Variants in SYTL2 observed in about 807,000 individuals in gnomAD.
The protein encoded by SYTL2 is synaptotagmin like 2.
Under a neutral mutation model 198.7 loss-of-function variants are expected in SYTL2, and 165 were observed. The observed-to-expected ratio is 0.83, with a 90% CI of 0.73 to 0.94. The LOEUF (loss-of-function observed/expected upper bound fraction) is 0.94, where lower values mean the gene tolerates loss of function less well. Ranked by LOEUF, SYTL2 falls within the 40% of genes least tolerant of loss-of-function variation. SYTL2 has a pLI of 0.00. For synonymous variants in SYTL2, 966 were observed against 917.7 expected (o/e 1.05, Z -0.95); for missense variants, 2,835 against 2,582.8 (o/e 1.10, Z -2.12).
At chr11:85,777,533 G>A (rs1359363303) in intron 1 of SYTL2, among the ~76,000 whole-genome samples, 1 of 152,046 alleles carries the variant, frequency 6.6e-6, no homozygotes, top group Non-Finnish European at 1.5e-5. Context: ...GAGGGGAATG[G>A]CTAGAAAAGA....
At chr11:85,832,024 T>C in the SYTL2 span, among the ~76,000 whole-genome samples, 1 of 152,336 alleles carries the variant, frequency 6.6e-6, no homozygotes, top group East Asian at 1.9e-4. Flanking sequence ...ATTATCTTTA[T>C]ATAGTGACTC....
Position 85,734,402 on chromosome 11 carries a change from C to T in SYTL2, c.927G>A (p.Glu309=). The change falls in exon 7 of 20, where the codon GAG becomes GAA. Residue 309 remains glutamate, a synonymous_variant. Coordinates refer to ENST00000359152, the MANE Select transcript of SYTL2 (RefSeq NM_206927.4). ...KIVSPGLTIH[E]RISEKEHSLE... ...AAGAATGCTCCTTCTCAGAAATTCT[C>T]TCATGGATGGTTAGGCCAGGTGACA... 6.2e-7 allele frequency: 1 copy of T among 1,614,184 alleles called. No homozygotes were observed.
At chr11:85,823,207 GT>G in the SYTL2 span, among the ~76,000 whole-genome samples, 2 of 152,218 alleles carry the variant, frequency 1.3e-5, no homozygotes, top group South Asian at 4.1e-4. Flanking sequence ...ATCCAAAGCA[GT>G]TTCTGACACA....
chr11:85,774,840 T>C (rs1419036589), intron 1 of SYTL2, among the ~76,000 whole-genome samples: 4 of 152,144 alleles, frequency 2.6e-5, no homozygotes, highest in Non-Finnish European at 4.4e-5. Context: ...TTAATTAGGG[T>C]CAGCCTGTGC....
At chr11:85,852,856 C>G in the SYTL2 span, 1 of 233,122 alleles carries the variant, frequency 4.3e-6, no homozygotes, top group Non-Finnish European at 8.6e-6. Context: ...TGTGAGGAGC[C>G]CCTCTGCCCG....
Position 85,695,334 on chromosome 11 carries a change from CT to C in SYTL2, c.6580del (p.Ser2194ValfsTer23). ...GLRIGFGTGK[S>X]YGTEVDWMDS... Reference sequence around the variant, plus strand: ...CATCCAGTCCACTTCAGTCCCATAACTTTTACCTGAAAAAAGGAAGCTTTGC... The same window carrying C: ...CATCCAGTCCACTTCAGTCCCATAACTTTACCTGAAAAAAGGAAGCTTTGC... On this transcript the variant is annotated frameshift_variant, in exon 20 of 20. Coordinates refer to ENST00000359152, the MANE Select transcript of SYTL2 (RefSeq NM_206927.4). LOFTEE classifies it high-confidence loss of function. 6.5e-7 allele frequency: 1 copy of C among 1,543,614 alleles called. No homozygotes were observed. Among genetic ancestry groups the C allele is most frequent in the Non-Finnish European group, 8.8e-7 (1 of 1,142,262 alleles).
At chr11:85,797,915 G>A (rs1197000991) in intron 1 of SYTL2, among the ~76,000 whole-genome samples, 1 of 151,960 alleles carries the variant, frequency 6.6e-6, no homozygotes, top group Non-Finnish European at 1.5e-5. Flanking sequence ...GTGCAGTGGT[G>A]CAATGTCGGC....
chr11:85,810,746 GCT>G (rs2093021327), intron 1 of SYTL2, among the ~76,000 whole-genome samples: 1 of 152,234 alleles, frequency 6.6e-6, no homozygotes, highest in Non-Finnish European at 1.5e-5. Context: ...AGCGGAGGTG[GCT>G]CTGGAGTAGG....
chr11:85,753,748 GA>G (rs1446913513), intron 2 of SYTL2, among the ~76,000 whole-genome samples: 3 of 121,090 alleles, frequency 2.5e-5, no homozygotes, highest in South Asian at 2.7e-4. Context: ...CTGGGTCACA[GA>G]GAGAAACTCT....
At chr11:85,847,100 T>A in the SYTL2 span, among the ~76,000 whole-genome samples, 1 of 152,194 alleles carries the variant, frequency 6.6e-6, no homozygotes, top group Non-Finnish European at 1.5e-5. Flanking sequence ...GTACCCATTT[T>A]AAATATATAG....
chr11:85,778,821 A>C (rs1422633208), intron 1 of SYTL2, among the ~76,000 whole-genome samples: 1 of 152,120 alleles, frequency 6.6e-6, no homozygotes, highest in Non-Finnish European at 1.5e-5. Context: ...TACAGAAAAT[A>C]CAAAAATTAG....
intron 7 of SYTL2, among the ~76,000 whole-genome samples, chr11:85,731,460 A>G (rs146585763): frequency 3.3e-5 from 5 of 152,222 alleles, no homozygotes; most frequent in Admixed American, 3.3e-4. Flanking sequence ...CTTTGCCAAA[A>G]CTGACAAAAA....
In SYTL2 at chr11:85,725,028, G is replaced by A; in HGVS notation, c.4330C>T (p.His1444Tyr). The change falls in exon 8 of 20, where the codon CAT becomes TAT. Residue 1444 changes from histidine to tyrosine, a missense_variant. His to Tyr is a moderately conservative substitution (Grantham distance 83). Around this residue, in one of 3 missense-constraint regions of SYTL2, gnomAD observed 2,645 missense variants for 2,381.7 expected, o/e 1.11. Coordinates refer to ENST00000359152, the MANE Select transcript of SYTL2 (RefSeq NM_206927.4). ...YSSNVVPDKTHEVGSYLAAQM... is the reference protein window; with the variant it reads ...YSSNVVPDKTYEVGSYLAAQM... ...GCAGCTAAATAAGATCCAACTTCAT[G>A]AGTTTTATCAGGAACTACATTGGAG... The A allele has an allele frequency of 1.2e-6, 2 of 1,614,160 alleles. No individual in the cohort carries two copies. The highest frequency in any genetic ancestry group is 2.2e-5 in the East Asian group (1 of 44,882).
chr11:85,816,245 GTCA>G, the SYTL2 span, among the ~76,000 whole-genome samples: 4 of 152,064 alleles, frequency 2.6e-5, no homozygotes, highest in Admixed American at 2.6e-4. Context: ...ATATGTATGT[GTCA>G]TCATCATTAG....
intron 12 of SYTL2, 23 bp from the exon 13 acceptor site, chr11:85,711,255 C>T (rs2086230367): frequency 6.2e-7 from 1 of 1,604,690 alleles, no homozygotes; most frequent in East Asian, 2.2e-5. Flanking sequence ...ATATAATATG[C>T]ACAATATTTA....
chr11:85,829,366 T>C, the SYTL2 span, among the ~76,000 whole-genome samples: 1 of 152,238 alleles, frequency 6.6e-6, no homozygotes, highest in Non-Finnish European at 1.5e-5. Flanking sequence ...TCCATGTTGC[T>C]GCAAAGGACA....
At chr11:85,758,964 G>T (rs1424634073) in intron 1 of SYTL2, among the ~76,000 whole-genome samples, 1 of 152,168 alleles carries the variant, frequency 6.6e-6, no homozygotes, top group Admixed American at 6.5e-5. Context: ...TTTAAAGCAG[G>T]CTGGGTGCAG....
chr11:85,751,802 T>C (rs1409892642), intron 2 of SYTL2, among the ~76,000 whole-genome samples: 1 of 152,234 alleles, frequency 6.6e-6, no homozygotes, highest in East Asian at 1.9e-4. Flanking sequence ...ATTTCATCCA[T>C]TTCAAAAGAT....
At chr11:85,797,162 C>T (rs917904182) in intron 1 of SYTL2, among the ~76,000 whole-genome samples, 8 of 152,166 alleles carry the variant, frequency 5.3e-5, no homozygotes, top group African/African-American at 1.9e-4. Context: ...GCAGCTCAAA[C>T]CGACCATATT....
Sources: gnomAD v4.1 joint callset for allele counts (sites outside exome capture counted in the v4.1 genomes callset) on GRCh38, gnomAD v4.1.1 for gene constraint, gnomAD v4.1.1 regional missense constraint, MANE v1.5 for transcripts, NCBI Gene and HGNC (gene_info 2026-07-23, HGNC 2026-07-21) for gene names.